The following SCFD2 variants were observed in gnomAD, a reference collection of about 807,000 sequenced individuals.
The protein encoded by SCFD2 is sec1 family domain-containing protein 2.
Under a neutral mutation model 58.9 loss-of-function variants are expected in SCFD2, and 54 were observed. The observed-to-expected ratio is 0.92, with a 90% confidence interval of 0.74 to 1.15. SCFD2 has a LOEUF of 1.15. Ranked by LOEUF, SCFD2 falls within the 50% of genes most tolerant of loss-of-function variation. The probability of loss-of-function intolerance (pLI) is 0.00; values close to 1 mark genes in which losing one functional copy is unlikely to be tolerated. For missense variants in SCFD2, 805 were observed against 836.6 expected (o/e 0.96, Z 0.47); for synonymous variants, 321 against 335.9 (o/e 0.96, Z 0.49).
chr4:53,074,766 T>A (rs1265131775), intron 5 of SCFD2, among the ~76,000 whole-genome samples: 2 of 152,178 alleles, frequency 1.3e-5, no homozygotes, highest in Non-Finnish European at 2.9e-5. Flanking sequence ...GCTTAAAATA[T>A]TCAGTAAGCC....
At chr4:53,158,945 G>A (rs904036331) in intron 4 of SCFD2, among the ~76,000 whole-genome samples, 1 of 152,034 alleles carries the variant, frequency 6.6e-6, no homozygotes, top group African/African-American at 2.4e-5. Context: ...TCCCTAAATG[G>A]GTTAAATGTG....
chr4:53,163,210 C>T (rs911517580), intron 4 of SCFD2, among the ~76,000 whole-genome samples: 4 of 152,196 alleles, frequency 2.6e-5, no homozygotes, highest in African/African-American at 2.4e-5. Flanking sequence ...TCTGCTCCAA[C>T]GGAGAAGTCT....
At chr4:52,983,648 G>A (rs1164262655) in intron 5 of SCFD2, among the ~76,000 whole-genome samples, 1 of 152,172 alleles carries the variant, frequency 6.6e-6, no homozygotes, top group East Asian at 1.9e-4. Flanking sequence ...GGAGCTGAGA[G>A]CTCAGTTTCC....
At chr4:53,013,850 T>C (rs1310436139) in intron 5 of SCFD2, among the ~76,000 whole-genome samples, 1 of 152,104 alleles carries the variant, frequency 6.6e-6, no homozygotes, top group Non-Finnish European at 1.5e-5. Context: ...AAGGTATTAT[T>C]GCTTGGATTC....
chr4:53,234,521 A>G (rs1729536097), intron 4 of SCFD2, among the ~76,000 whole-genome samples: 1 of 152,200 alleles, frequency 6.6e-6, no homozygotes, highest in African/African-American at 2.4e-5. Flanking sequence ...AATCATATGA[A>G]TGTCTGAGGA....
At chr4:53,201,456 G>C (rs1252960790) in intron 4 of SCFD2, among the ~76,000 whole-genome samples, 1 of 152,072 alleles carries the variant, frequency 6.6e-6, no homozygotes, top group South Asian at 2.1e-4. Context: ...TCAAGTCTTT[G>C]CTATTGTGAA....
chr4:53,154,771 C>T (rs1726614444), intron 4 of SCFD2, among the ~76,000 whole-genome samples: 1 of 152,200 alleles, frequency 6.6e-6, no homozygotes, highest in Admixed American at 6.5e-5. Context: ...CCTACATTAT[C>T]TGGGTAGGGC....
At chr4:53,339,735 A>G (rs1420820140) in intron 2 of SCFD2, among the ~76,000 whole-genome samples, 1 of 152,102 alleles carries the variant, frequency 6.6e-6, no homozygotes, top group African/African-American at 2.4e-5. Context: ...GCACCACTGC[A>G]CTCCAACCTA....
rs758127643 is a variant in SCFD2, at chr4:52,907,490, A to T, written c.1809T>A (p.Asp603Glu). The T allele has an allele frequency of 9.9e-6, 16 of 1,613,962 alleles. 1 individual carries two copies. In the South Asian group the frequency reaches 1.6e-4, roughly 17 times the overall value. Residue 603 changes from aspartate (D) to glutamate (E), a missense_variant, in exon 7 of 9, where the codon GAT (aspartate) becomes GAA (glutamate). Physicochemically the swap from Asp to Glu is conservative, Grantham distance 45 (BLOSUM62 2). Transcript: ENST00000401642. ...ACATGCTAAATCCAGTTTTAAGGAG[A>T]TCAGTGAGGCCTGAAGACATGTGTT... Reference protein sequence around the residue: ...DIEHMSSGLTDLLKTGFSMFM... With the variant: ...DIEHMSSGLTELLKTGFSMFM...
intron 5 of SCFD2, among the ~76,000 whole-genome samples, chr4:52,987,185 C>T (rs1179777199): frequency 9.2e-5 from 14 of 152,110 alleles, no homozygotes; most frequent in African/African-American, 2.2e-4. Context: ...CCGGCCACTG[C>T]GCCCAGCTAA....
chr4:53,283,439 T>C (rs1365429767), intron 3 of SCFD2, among the ~76,000 whole-genome samples: 1 of 152,218 alleles, frequency 6.6e-6, no homozygotes, highest in African/African-American at 2.4e-5. Flanking sequence ...TGCCTTTCAG[T>C]GGACATAATC....
intron 4 of SCFD2, among the ~76,000 whole-genome samples, chr4:53,197,542 C>T (rs1168980627): frequency 1.3e-5 from 2 of 151,954 alleles, no homozygotes; most frequent in Non-Finnish European, 2.9e-5. Context: ...TTTCTTACCA[C>T]CTACCTATAA....
chr4:53,056,569 T>A (rs1723346466), intron 5 of SCFD2, among the ~76,000 whole-genome samples: 1 of 152,134 alleles, frequency 6.6e-6, no homozygotes, highest in African/African-American at 2.4e-5. Flanking sequence ...GATTACAAAA[T>A]CATACATGAA....
At chr4:52,962,377 TC>T (rs1233111159) in intron 5 of SCFD2, among the ~76,000 whole-genome samples, 1 of 152,188 alleles carries the variant, frequency 6.6e-6, no homozygotes, top group African/African-American at 2.4e-5. Flanking sequence ...CACATTTTAC[TC>T]CTGGTACCTT....
At chr4:53,302,798 A>G (rs988830336) in intron 3 of SCFD2, among the ~76,000 whole-genome samples, 1 of 152,178 alleles carries the variant, frequency 6.6e-6, no homozygotes, top group Non-Finnish European at 1.5e-5. Flanking sequence ...ATAATGCTGC[A>G]TATCTACAAC....
At chr4:53,096,006 G>A (rs1239029415) in intron 5 of SCFD2, among the ~76,000 whole-genome samples, 2 of 152,098 alleles carry the variant, frequency 1.3e-5, no homozygotes, top group African/African-American at 4.8e-5. Context: ...TGCTGAGAAT[G>A]ATGGTTTCCA....
intron 4 of SCFD2, among the ~76,000 whole-genome samples, chr4:53,237,475 C>A (rs1729669414): frequency 1.2e-5 from 1 of 81,116 alleles, no homozygotes; most frequent in Non-Finnish European, 2.4e-5. Flanking sequence ...GGGGGGCTGA[C>A]CCCCCCACCT....
At chr4:53,130,957 C>T (rs1040926948) in intron 5 of SCFD2, among the ~76,000 whole-genome samples, 14 of 151,962 alleles carry the variant, frequency 9.2e-5, no homozygotes, top group African/African-American at 2.7e-4. Flanking sequence ...AGCTCTATCT[C>T]TGGCAAATAT....
Position 53,313,699 on chromosome 4 carries a change from C to T in SCFD2, c.1072G>A (p.Glu358Lys). ...GCTTCCACTAGATGTCTCCGAACTT[C>T]CATCACTGCCTCTTTGTGCTTAGTG... Reference protein sequence around the residue: ...LNTKHKEAVMEVRRHLVEAAS... With the variant: ...LNTKHKEAVMKVRRHLVEAAS... Residue 358 changes from glutamate (E) to lysine (K), a missense_variant, in exon 3 of 9, where the codon GAA becomes AAA. This residue lies in a region of SCFD2 where 633 missense variants were observed against 646.8 expected (regional missense o/e 0.98). Transcript: ENST00000401642. 1.2e-6 allele frequency: 2 copies of T among 1,614,076 alleles called. No homozygotes were observed. Among genetic ancestry groups the T allele is most frequent in the Non-Finnish European group, 1.7e-6 (2 of 1,179,962 alleles).
Sources: gnomAD v4.1 joint callset for allele counts (sites outside exome capture counted in the v4.1 genomes callset) on GRCh38, gnomAD v4.1.1 for gene constraint, gnomAD v4.1.1 regional missense constraint, MANE v1.5 for transcripts, NCBI Gene and HGNC (gene_info 2026-07-23, HGNC 2026-07-21) for gene names.